ECHS1: variants seen among roughly 807,000 people sequenced by gnomAD.
ECHS1 encodes enoyl-CoA hydratase, mitochondrial.
A neutral mutation model predicts 33.5 loss-of-function variants in ECHS1; 19 were observed. The observed-to-expected ratio is 0.57, with a 90% confidence interval of 0.40 to 0.83. ECHS1 has a LOEUF of 0.83. Ranked by LOEUF, ECHS1 falls within the 40% of genes least tolerant of loss-of-function variation. The probability of loss-of-function intolerance (pLI) is 0.00; values close to 1 mark genes in which losing one functional copy is unlikely to be tolerated. For missense variants in ECHS1, 365 were observed against 381.3 expected (o/e 0.96, Z 0.36); for synonymous variants, 158 against 146.6 (o/e 1.08, Z -0.56).
At chr10:133,370,812 G>A in intron 1 of ECHS1, 55 bp from the exon 2 acceptor site, 1 of 1,551,624 alleles carries the variant, frequency 6.4e-7, no homozygotes, top group Non-Finnish European at 8.7e-7. Context: ...AAACTGGGGA[G>A]AGTGGGGGAA....
chr10:133,368,024 T>C (rs1203753003), intron 4 of ECHS1, among the ~76,000 whole-genome samples: 1 of 152,166 alleles, frequency 6.6e-6, no homozygotes, highest in Non-Finnish European at 1.5e-5. Flanking sequence ...TCTCCGCCTC[T>C]TGATGGTATT....
intron 1 of ECHS1, among the ~76,000 whole-genome samples, chr10:133,372,783 G>A (rs1434358096): frequency 1.4e-5 from 2 of 139,066 alleles, no homozygotes; most frequent in East Asian, 4.2e-4. Context: ...CGGGTCAGGT[G>A]GGGGGTGCAG....
chr10:133,366,675 G>A (rs1213456714), intron 5 of ECHS1, among the ~76,000 whole-genome samples: 11 of 149,670 alleles, frequency 7.3e-5, no homozygotes, highest in African/African-American at 2.6e-4. Flanking sequence ...GGGGACACCT[G>A]GATGCAGCTC....
At chr10:133,365,410 T>C (rs1849015365) in intron 6 of ECHS1, among the ~76,000 whole-genome samples, 1 of 152,240 alleles carries the variant, frequency 6.6e-6, no homozygotes, top group African/African-American at 2.4e-5. Context: ...CACCCACACC[T>C]GTCCGGACTC....
intron 7 of ECHS1, among the ~76,000 whole-genome samples, chr10:133,364,381 A>G (rs541708056): frequency 1.7e-4 from 26 of 152,292 alleles, no homozygotes; most frequent in African/African-American, 4.1e-4. Flanking sequence ...TGCATTTTCA[A>G]TAAAGGAGCT....
Position 133,366,971 on chromosome 10 carries a change from G to GA in ECHS1, c.536dup (p.Thr180HisfsTer17). 1 of 1,612,326 alleles carries GA rather than the reference G, an allele frequency of 6.2e-7. No individual in the cohort carries two copies. The highest frequency in any genetic ancestry group is 8.5e-7 in the Non-Finnish European group (1 of 1,179,938). On this transcript the variant is annotated frameshift_variant, in exon 5 of 8. Transcript: ENST00000368547. LOFTEE classifies it high-confidence loss of function. ...CCAGCGACTTCCCAACAGCACGGGT[G>GA]AGTCTCTGGGTGCCGCCCGCACCTG...
At position 133,370,731 on chromosome 10, in the gene ECHS1, C is replaced by T. The variant is rs776308737; in HGVS notation, c.115G>A (p.Glu39Lys). 7.4e-6 allele frequency: 12 copies of T among 1,612,114 alleles called. No homozygotes were observed. In the Middle Eastern group the frequency reaches 5.0e-4, roughly 67 times the overall value. The change falls in exon 2 of 8, where the codon GAA (glutamate) becomes AAA (lysine). Residue 39 changes from glutamate to lysine, a missense_variant. Physicochemically the swap from Glu to Lys is moderately conservative, Grantham distance 56. Transcript: ENST00000368547. ...ACGGTGTTATTCTTCCCTCTTTTTT[C>T]TGCGATGATGTACTCAAAGTTAGCA... Reference protein sequence around the residue: ...SGANFEYIIAEKRGKNNTVGL... With the variant: ...SGANFEYIIAKKRGKNNTVGL...
intron 7 of ECHS1, among the ~76,000 whole-genome samples, chr10:133,363,431 T>C (rs1331342451): frequency 1.3e-5 from 2 of 152,254 alleles, no homozygotes; most frequent in African/African-American, 4.8e-5. Flanking sequence ...TTAATTTTTA[T>C]TTTATAGAAC....
intron 4 of ECHS1, 89 bp downstream of exon 4, chr10:133,368,833 TG>T: frequency 8.1e-7 from 1 of 1,236,492 alleles, no homozygotes. Flanking sequence ...CCAGGGCCTC[TG>T]GTCAGATATG....
chr10:133,366,298 G>C (rs1849029018), intron 5 of ECHS1, among the ~76,000 whole-genome samples: 1 of 152,272 alleles, frequency 6.6e-6, no homozygotes, highest in Non-Finnish European at 1.5e-5. Flanking sequence ...TGTGCTCTCA[G>C]ACATGTGGGC....
intron 1 of ECHS1, 81 bp from the exon 2 acceptor site, chr10:133,370,838 C>A (rs74164169): frequency 2.1e-6 from 3 of 1,435,386 alleles, no homozygotes; most frequent in African/African-American, 2.8e-5. Context: ...GTGGCCCCAT[C>A]GGTGGATACA....
In ECHS1 at chr10:133,366,241, G is replaced by A. The variant is rs528593818; in HGVS notation, c.620-146C>T. 4.9e-5 allele frequency: 43 copies of A among 878,904 alleles called. No homozygotes were observed. In the East Asian group the frequency reaches 5.9e-4, roughly 12 times the overall value. 54.4% of individuals were successfully genotyped at this position (878,904 alleles called of 1,614,324 possible). On this transcript the variant is annotated intron_variant, in intron 5 of 7. Coordinates refer to ENST00000368547, the MANE Select transcript of ECHS1 (RefSeq NM_004092.4). The stretch of plus-strand genomic sequence containing the variant: ...GGGCGGCTTCCACACGGGAAGTGCC[G>A]CACGTGCCCCTTCCTGAGTGCTGAG...
rs1849041941 is a variant in ECHS1, at chr10:133,366,886, T to C, written c.619+3A>G. ...GGCTCTTGCGGGCAGCCCCAACCCA[T>C]ACCTGCTTGCTTGGCGTCCTGGGCT... On this transcript the variant is annotated splice_donor_region_variant and intron_variant, in intron 5 of 7. Coordinates refer to ENST00000368547, the MANE Select transcript of ECHS1 (RefSeq NM_004092.4). 3.1e-6 allele frequency: 5 copies of C among 1,609,378 alleles called. No homozygotes were observed. The highest frequency in any genetic ancestry group is 4.2e-6 in the Non-Finnish European group (5 of 1,178,650).
chr10:133,368,228 T>G (rs1047452062), intron 4 of ECHS1, among the ~76,000 whole-genome samples: 1 of 152,118 alleles, frequency 6.6e-6, no homozygotes, highest in African/African-American at 2.4e-5. Flanking sequence ...GGTCAACATA[T>G]TAGAAGCTTA....
intron 6 of ECHS1, 52 bp from the exon 7 acceptor site, chr10:133,364,777 T>G (rs1168654886): frequency 1.4e-6 from 2 of 1,463,004 alleles, no homozygotes; most frequent in East Asian, 2.3e-5. Context: ...TGCAGAACTT[T>G]TCCTGCACGG....
Position 133,362,795 on chromosome 10 carries a change from T to G in ECHS1, c.*73A>C. 6.6e-7 allele frequency: 1 copy of G among 1,514,338 alleles called. No homozygotes were observed. The highest frequency in any genetic ancestry group is 1.7e-5 in the Admixed American group (1 of 59,858). The allele number at this position is 1,514,338 out of a possible 1,614,324, so 93.8% of individuals were successfully genotyped here. On this transcript the variant is annotated 3_prime_UTR_variant, in exon 8 of 8. Transcript: ENST00000368547. Reference sequence around the variant, plus strand: ...ACACTGCTCTTGAAAAGAGGATGATTTACTTGCTTCTAAAACTGACAGGCT... The same window carrying G: ...ACACTGCTCTTGAAAAGAGGATGATGTACTTGCTTCTAAAACTGACAGGCT...
chr10:133,368,818 T>C, intron 4 of ECHS1, 105 bp downstream of exon 4: 1 of 1,066,838 alleles, frequency 9.4e-7, no homozygotes, highest in African/African-American at 1.6e-5. Flanking sequence ...CATGGGGCTG[T>C]CCATCCAGGG....
intron 5 of ECHS1, 124 bp downstream of exon 5, chr10:133,366,765 C>T: frequency 1.5e-6 from 1 of 682,454 alleles, no homozygotes; most frequent in Non-Finnish European, 2.5e-6. Context: ...AGGGGGACAC[C>T]TGGATGCTGC....
chr10:133,364,174 A>G (rs1451038116), intron 7 of ECHS1, among the ~76,000 whole-genome samples: 1 of 151,896 alleles, frequency 6.6e-6, no homozygotes, highest in Non-Finnish European at 1.5e-5. Context: ...CAAACTCCTG[A>G]GCTCAGGCAA....
Sources: gnomAD v4.1 joint callset for allele counts (sites outside exome capture counted in the v4.1 genomes callset) on GRCh38, gnomAD v4.1.1 for gene constraint, MANE v1.5 for transcripts, NCBI Gene and HGNC (gene_info 2026-07-23, HGNC 2026-07-21) for gene names.